MICAL2: variants seen among roughly 807,000 people sequenced by gnomAD.
MICAL2 encodes the protein [F-actin]-monooxygenase MICAL2.
Under a neutral mutation model 127.3 loss-of-function variants are expected in MICAL2, and 77 were observed. The observed-to-expected ratio is 0.60, with a 90% CI of 0.50 to 0.73. MICAL2 has a LOEUF of 0.73. Among genes scored for constraint, MICAL2 ranks in the 30% least tolerant of loss-of-function variants. The pLI is 0.00. For missense variants in MICAL2, 1,351 were observed against 1,434.4 expected (o/e 0.94, Z 0.94); for synonymous variants, 570 against 551.1 (o/e 1.03, Z -0.48).
In MICAL2 at chr11:12,220,062, C is replaced by T. The variant is rs967889903; in HGVS notation, c.949-139C>T. On this transcript the variant is annotated intron_variant, in intron 8 of 27. Transcript: ENST00000683283. ...TGGCTGATTTATTTCCTCTTTATTC[C>T]CTTGGTCCTGGTTTTTATATGTCTT... 7.1e-6 allele frequency: 7 copies of T among 979,386 alleles called. No individual in the cohort carries two copies. In the African/African-American group the frequency reaches 1.1e-4, roughly 16 times the overall value. The allele number at this position is 979,386 out of a possible 1,614,324, so 60.7% of individuals were successfully genotyped here.
Position 12,358,202 on chromosome 11 carries a change from G to A in MICAL2, c.5690-93G>A, listed in dbSNP as rs933770110. 2.4e-6 allele frequency: 3 copies of A among 1,264,752 alleles called. No individual in the cohort carries two copies. In the African/African-American group the frequency reaches 4.5e-5, roughly 19 times the overall value. 78.3% of individuals were successfully genotyped at this position (1,264,752 alleles called of 1,614,324 possible). A position where few individuals can be genotyped will look rare whatever the true frequency, so the allele number is the denominator to read the frequency against. ...GTTTTCTCCATTAAAATTAAAGGCA[G>A]AACAAGTCCATAACAATCGAGAATG... On this transcript the variant is annotated intron_variant, in intron 34 of 34. Transcript: ENST00000646065.
rs183483717 is a variant in MICAL2, at chr11:12,219,298, A to G, written c.949-903A>G. Among the ~76,000 whole-genome samples, 399 of 152,204 alleles carry G rather than the reference A, an allele frequency of 2.6e-3. 1 individual carries two copies. The highest frequency in any genetic ancestry group is 5.2e-3 in the Admixed American group (79 of 15,282). ...ACACTAAACTTGCCAGCTCTCTTCAATCCTCACATCCTGTGTTTCATTGCT... is the reference window on the plus strand; with the variant it reads ...ACACTAAACTTGCCAGCTCTCTTCAGTCCTCACATCCTGTGTTTCATTGCT... On this transcript the variant is annotated intron_variant, in intron 8 of 27. Transcript: ENST00000683283.
At chr11:12,213,208 CA>C (rs1554982738) in intron 6 of MICAL2, 46 bp from the exon 7 acceptor site, 1 of 1,554,110 alleles carries the variant, frequency 6.4e-7, no homozygotes, top group Non-Finnish European at 8.7e-7. Context: ...TCAGTTTTCA[CA>C]CCAAATCCAG....
At chr11:12,168,166 A>ACACACACACACACT (rs1304523002) in intron 3 of MICAL2, among the ~76,000 whole-genome samples, 14 of 150,802 alleles carry the variant, frequency 9.3e-5, no homozygotes, top group African/African-American at 3.4e-4. Flanking sequence ...ACACACACAC[A>ACACACACACACACT]CACTTATGCA....
At chr11:12,285,161 C>G (rs2134771354) in intron 2 of MICAL2, among the ~76,000 whole-genome samples, 1 of 152,178 alleles carries the variant, frequency 6.6e-6, no homozygotes, top group Non-Finnish European at 1.5e-5. Context: ...AAGCTGTCCT[C>G]TTGCACTGAG....
intron 26 of MICAL2, chr11:12,262,108 A>G: frequency 8.8e-7 from 1 of 1,139,342 alleles, no homozygotes; most frequent in Non-Finnish European, 1.1e-6. Context: ...ACGCTCTGAG[A>G]TGTTGAACCT....
intron 22 of MICAL2, chr11:12,253,465 G>C (rs528090647): frequency 6.6e-6 from 1 of 152,372 alleles, no homozygotes; most frequent in South Asian, 2.1e-4. Context: ...AGGCAGGCTA[G>C]GGCAGGCTGA....
intron 32 of MICAL2, among the ~76,000 whole-genome samples, chr11:12,338,504 T>C (rs1938805592): frequency 6.6e-6 from 1 of 152,218 alleles, no homozygotes; most frequent in African/African-American, 2.4e-5. Flanking sequence ...ATTATGATGT[T>C]AGCTGGTTAT....
chr11:12,163,077 T>C (rs1855025027), intron 3 of MICAL2, among the ~76,000 whole-genome samples: 1 of 152,186 alleles, frequency 6.6e-6, no homozygotes, highest in Non-Finnish European at 1.5e-5. Flanking sequence ...CCCACTCCCT[T>C]CCTCAGGATG....
Position 12,255,765 on chromosome 11 carries a change from C to G in MICAL2, c.2955+15C>G, listed in dbSNP as rs1309000469. On this transcript the variant is annotated intron_variant, in intron 23 of 27. Transcript: ENST00000683283. ...CTCCAGACCTGGTAAGGACATGCAC[C>G]CCCAGCCTTCACCCACAGACACTGG... 1 of 1,599,222 alleles carries G rather than the reference C, an allele frequency of 6.3e-7. No individual in the cohort carries two copies. Among genetic ancestry groups the G allele is most frequent in the Admixed American group, 1.7e-5 (1 of 59,190 alleles).
intron 2 of MICAL2, among the ~76,000 whole-genome samples, chr11:12,150,065 G>A (rs1853404361): frequency 6.6e-6 from 1 of 152,108 alleles, no homozygotes; most frequent in Non-Finnish European, 1.5e-5. Context: ...GTGGTTTGAT[G>A]GATGAGTGGG....
chr11:12,226,333 C>A lies in MICAL2; in HGVS notation c.1851C>A (p.Phe617Leu), dbSNP rs770766354. ...GCATGGTCATGTACCTCTCCAAGTT[C>A]TACGAGCTCTTCCGGGGCACCCCAC... ...KLSMVMYLSK[F>L]YELFRGTPLR... is the part of the protein sequence containing the mutation. Residue 617 changes from phenylalanine (F) to leucine (L), a missense_variant, in exon 14 of 28, where the codon TTC (phenylalanine) becomes TTA (leucine). By Grantham distance (22) the Phe-to-Leu change is conservative. Coordinates refer to ENST00000683283, the MANE Select transcript of MICAL2 (RefSeq NM_001282663.2). The A allele has an allele frequency of 1.9e-6, 3 of 1,614,110 alleles. No individual in the cohort carries two copies.
intron 29 of MICAL2, among the ~76,000 whole-genome samples, chr11:12,301,444 G>C (rs547477593): frequency 3.5e-4 from 54 of 152,210 alleles, no homozygotes; most frequent in Non-Finnish European, 6.2e-4. Context: ...ATTGTGAATA[G>C]TGCTGTTAGG....
chr11:12,113,095 C>G (rs2133410080), intron 1 of MICAL2, among the ~76,000 whole-genome samples: 1 of 152,296 alleles, frequency 6.6e-6, no homozygotes, highest in East Asian at 1.9e-4. Context: ...TAGATGTCCT[C>G]TGAGGGCTAA....
chr11:12,130,235 T>C (rs1436995478), intron 1 of MICAL2, among the ~76,000 whole-genome samples: 1 of 152,170 alleles, frequency 6.6e-6, no homozygotes, highest in Non-Finnish European at 1.5e-5. Context: ...GCATTTGCAG[T>C]GCCTGAGTAT....
chr11:12,357,927 T>C (rs972462294), intron 34 of MICAL2, among the ~76,000 whole-genome samples: 1 of 152,226 alleles, frequency 6.6e-6, no homozygotes, highest in African/African-American at 2.4e-5. Context: ...CACAGATTTC[T>C]TTGCTGTGGC....
At chr11:12,310,876 A>C (rs1280003517) in intron 29 of MICAL2, among the ~76,000 whole-genome samples, 1 of 151,708 alleles carries the variant, frequency 6.6e-6, no homozygotes, top group African/African-American at 2.4e-5. Context: ...TTTCTTGTAG[A>C]GATCTTTCAC....
intron 3 of MICAL2, among the ~76,000 whole-genome samples, chr11:12,193,483 T>G (rs770112927): frequency 4.6e-5 from 7 of 152,226 alleles, no homozygotes; most frequent in Non-Finnish European, 8.8e-5. Context: ...AAAGCTGTTG[T>G]CCATGGATAG....
chr11:12,246,627 GTCTC>G (rs1341877386), intron 21 of MICAL2, among the ~76,000 whole-genome samples: 1 of 152,152 alleles, frequency 6.6e-6, no homozygotes, highest in Non-Finnish European at 1.5e-5. Flanking sequence ...TGGAGACAGG[GTCTC>G]TCTCTGTCAC....
Sources: gnomAD v4.1 joint callset for allele counts (sites outside exome capture counted in the v4.1 genomes callset) on GRCh38, gnomAD v4.1.1 for gene constraint, MANE v1.5 for transcripts, NCBI Gene and HGNC (gene_info 2026-07-23, HGNC 2026-07-21) for gene names.